OVCH2: variants seen among roughly 807,000 people sequenced by gnomAD.
The protein encoded by OVCH2 is ovochymase-2.
Under a neutral mutation model 73.7 loss-of-function variants are expected in OVCH2, and 88 were observed. That is an observed-to-expected ratio of 1.19 (90% CI 1.01 to 1.43). The LOEUF (loss-of-function observed/expected upper bound fraction) is 1.43. Among genes scored for constraint, OVCH2 ranks in the 40% most tolerant of loss-of-function variants. The probability of loss-of-function intolerance (pLI) is 0.00; values close to 1 mark genes in which losing one functional copy is unlikely to be tolerated. For synonymous variants in OVCH2, 265 were observed against 234.5 expected, an observed-to-expected ratio of 1.13 and a Z score of -1.19; for missense variants, 706 against 674.5, an observed-to-expected ratio of 1.05 and a Z score of -0.52.
rs117077033 is a variant in OVCH2, at chr11:7,703,343, T to C, written c.290+355A>G. Among the ~76,000 whole-genome samples the C allele has an allele frequency of 7.1e-4, 108 of 152,330 alleles. 2 individuals are homozygous for C. The East Asian group carries it at 0.014, about 20-fold the overall frequency. ...CTCCCTTTGTTTTCTTTTATCCATT[T>C]CTTCAGATGCATAATGAACTAGATA... is the stretch of plus-strand genomic sequence containing the variant. On this transcript the variant is annotated intron_variant, in intron 3 of 15. Coordinates refer to ENST00000533663, the MANE Select transcript of OVCH2 (RefSeq NM_198185.7).
chr11:7,695,460 G>A (rs1856311518), intron 11 of OVCH2, 110 bp downstream of exon 11: 9 of 1,123,138 alleles, frequency 8.0e-6, no homozygotes, highest in African/African-American at 1.6e-5. Context: ...CTCCCATGTG[G>A]AGTCAGTTGG....
chr11:7,702,439 G>A (rs1340819463), intron 3 of OVCH2, 110 bp from the exon 4 acceptor site: 19 of 738,594 alleles, frequency 2.6e-5, no homozygotes, highest in Non-Finnish European at 3.7e-5. Flanking sequence ...AATATGGGGT[G>A]TGAGGCTGCT....
intron 12 of OVCH2, among the ~76,000 whole-genome samples, chr11:7,693,647 C>G (rs1294644444): frequency 6.6e-6 from 1 of 152,162 alleles, no homozygotes; most frequent in Non-Finnish European, 1.5e-5. Context: ...ACAAATTTTC[C>G]TTAATTCTGC....
chr11:7,695,839 CAA>C, intron 10 of OVCH2, 129 bp from the exon 11 acceptor site: 1 of 1,256,486 alleles, frequency 8.0e-7, no homozygotes, highest in Non-Finnish European at 1.1e-6. Flanking sequence ...AGTCTTGTCA[CAA>C]TTGACATTTT....
At chr11:7,702,368 T>C in intron 3 of OVCH2, 39 bp from the exon 4 acceptor site, 1 of 1,490,730 alleles carries the variant, frequency 6.7e-7, no homozygotes, top group Non-Finnish European at 9.0e-7. Context: ...AATTTCATTG[T>C]GCCTCTGAGT....
At chr11:7,682,994 A>G in the OVCH2 span, among the ~76,000 whole-genome samples, 1 of 152,226 alleles carries the variant, frequency 6.6e-6, no homozygotes, top group Non-Finnish European at 1.5e-5. Context: ...ATTTAATGTA[A>G]TGGTCAATTC....
chr11:7,680,422 T>C, the OVCH2 span, among the ~76,000 whole-genome samples: 1 of 152,002 alleles, frequency 6.6e-6, no homozygotes, highest in Non-Finnish European at 1.5e-5. Flanking sequence ...CAAACTGCAA[T>C]TAATTTAAAG....
chr11:7,694,804 T>G (rs1371741612), intron 12 of OVCH2, among the ~76,000 whole-genome samples: 3 of 23,854 alleles, frequency 1.3e-4, no homozygotes, highest in Non-Finnish European at 2.8e-4. Context: ...AAAGCGGCAC[T>G]TTTTTTTTTT....
At position 7,704,434 on chromosome 11, in the gene OVCH2, C is replaced by T. The variant is rs1589882863; in HGVS notation, c.198+131G>A. 2.2e-5 allele frequency: 13 copies of T among 588,674 alleles called. No homozygotes were observed. In the East Asian group the frequency reaches 2.4e-4, roughly 11 times the overall value. The allele number at this position is 588,674 out of a possible 1,614,324, so 36.5% of individuals were successfully genotyped here. ...TTTTTCTTATGACATTCATCACATG[C>T]CATGATGACTATTCTGTCTTTCAAC... On this transcript the variant is annotated intron_variant, in intron 2 of 15. Coordinates refer to ENST00000533663, the MANE Select transcript of OVCH2 (RefSeq NM_198185.7).
downstream of OVCH2, chr11:7,689,304 G>T (rs562735447): frequency 5.2e-6 from 1 of 192,864 alleles, no homozygotes; most frequent in Non-Finnish European, 1.1e-5. Flanking sequence ...GTGGATTCCG[G>T]TGTTTCTATG....
intron 13 of OVCH2, 42 bp from the exon 14 acceptor site, chr11:7,691,442 A>G (rs752168788): frequency 6.3e-7 from 1 of 1,576,822 alleles, no homozygotes; most frequent in South Asian, 1.2e-5. Context: ...TCAAGCACCC[A>G]GCAGATAGCC....
At chr11:7,688,468 A>G (rs541534342), downstream of OVCH2, among the ~76,000 whole-genome samples, 2 of 152,256 alleles carry the variant, frequency 1.3e-5, no homozygotes, top group South Asian at 4.1e-4. Context: ...CTGCAGCCAC[A>G]CTTTACAAAA....
downstream of OVCH2, among the ~76,000 whole-genome samples, chr11:7,688,479 A>C (rs1235264687): frequency 6.6e-6 from 1 of 152,016 alleles, no homozygotes; most frequent in Non-Finnish European, 1.5e-5. Flanking sequence ...CTTTACAAAA[A>C]TTTTTCCACC....
Position 7,696,815 on chromosome 11 carries a change from A to G in OVCH2, c.926-16T>C. On this transcript the variant is annotated splice_polypyrimidine_tract_variant and intron_variant, in intron 8 of 15. Transcript: ENST00000533663. ...CTGCACCAGGCTGGGAGGGAAAGCCAGGAGAGTCAGGGTTAGTTATGCCAG... is the reference window on the plus strand; with the variant it reads ...CTGCACCAGGCTGGGAGGGAAAGCCGGGAGAGTCAGGGTTAGTTATGCCAG... 1.3e-6 allele frequency: 2 copies of G among 1,594,658 alleles called. No homozygotes were observed. Among genetic ancestry groups the G allele is most frequent in the East Asian group, 2.3e-5 (1 of 44,030 alleles).
chr11:7,702,148 A>G lies in OVCH2; in HGVS notation c.463+9T>C, dbSNP rs899112456. Reference sequence around the variant, plus strand: ...GGTAGACAATTCAGTATGATCCTCAAATGTTTACCAAATTGGAAGGCTCCA... The same window carrying G: ...GGTAGACAATTCAGTATGATCCTCAGATGTTTACCAAATTGGAAGGCTCCA... On this transcript the variant is annotated intron_variant, in intron 4 of 15. Coordinates refer to ENST00000533663, the MANE Select transcript of OVCH2 (RefSeq NM_198185.7). The G allele has an allele frequency of 5.0e-6, 8 of 1,597,504 alleles. 1 individual carries two copies. In the African/African-American group the frequency reaches 9.4e-5, roughly 19 times the overall value.
chr11:7,688,883 G>A (rs1856171430), downstream of OVCH2, among the ~76,000 whole-genome samples: 1 of 152,274 alleles, frequency 6.6e-6, no homozygotes, highest in Admixed American at 6.5e-5. Context: ...TTTCAGAGGT[G>A]GGATCTTGTG....
intron 8 of OVCH2, among the ~76,000 whole-genome samples, chr11:7,698,293 A>T (rs891247697): frequency 1.3e-5 from 2 of 152,190 alleles, no homozygotes; most frequent in Non-Finnish European, 2.9e-5. Flanking sequence ...ATTTGAACTA[A>T]AGTGTCTTAG....
At chr11:7,689,797 G>A in intron 15 of OVCH2, 127 bp downstream of exon 15, 3 of 704,134 alleles carry the variant, frequency 4.3e-6, no homozygotes, top group Non-Finnish European at 7.7e-6. Context: ...GTCACATTCT[G>A]GGGTACTGGA....
At chr11:7,690,353 A>G (rs186904032) in intron 14 of OVCH2, among the ~76,000 whole-genome samples, 9 of 152,274 alleles carry the variant, frequency 5.9e-5, no homozygotes, top group Admixed American at 2.0e-4. Flanking sequence ...TCATGTTTCT[A>G]TGTCTCTGTT....
Sources: gnomAD v4.1 joint callset for allele counts (sites outside exome capture counted in the v4.1 genomes callset) on GRCh38, gnomAD v4.1.1 for gene constraint, MANE v1.5 for transcripts, NCBI Gene and HGNC (gene_info 2026-07-23, HGNC 2026-07-21) for gene names.